The following CDH13 variants were observed in gnomAD, a reference collection of about 807,000 sequenced individuals.
The protein encoded by CDH13 is cadherin-13.
A neutral mutation model predicts 63.8 loss-of-function variants in CDH13; 24 were observed. The ratio of observed to expected loss-of-function variants is 0.38; its 90% CI spans 0.27 to 0.53. The LOEUF (loss-of-function observed/expected upper bound fraction) is 0.53, where lower values mean the gene tolerates loss of function less well. CDH13 is among the 20% of genes least tolerant of loss of function. CDH13 has a pLI of 0.85. For synonymous variants in CDH13, 503 were observed against 355.3 expected (o/e 1.42, Z -4.67); for missense variants, 1,049 against 903.1 (o/e 1.16, Z -2.07).
chr16:83,524,155 A>G (rs910509954), intron 7 of CDH13, among the ~76,000 whole-genome samples: 2 of 152,200 alleles, frequency 1.3e-5, no homozygotes, highest in African/African-American at 4.8e-5. Flanking sequence ...GTTTCCACAG[A>G]TAAGCTTGTG....
chr16:83,620,483 G>A (rs185951896), intron 8 of CDH13, among the ~76,000 whole-genome samples: 43 of 151,630 alleles, frequency 2.8e-4, no homozygotes, highest in Non-Finnish European at 5.2e-4. Flanking sequence ...ACAAGAGTGA[G>A]TCAATGGCTA....
chr16:82,907,576 C>T (rs1172500692), intron 2 of CDH13, among the ~76,000 whole-genome samples: 1 of 152,188 alleles, frequency 6.6e-6, no homozygotes, highest in African/African-American at 2.4e-5. Context: ...TCCATGCTTG[C>T]AATTCTTTTC....
intron 5 of CDH13, among the ~76,000 whole-genome samples, chr16:83,232,718 C>A (rs1012186027): frequency 4.6e-5 from 7 of 152,068 alleles, no homozygotes; most frequent in Non-Finnish European, 5.9e-5. Context: ...ATACAGCCTG[C>A]AGAACCGTGA....
At chr16:83,080,514 T>C (rs72796259) in intron 3 of CDH13, among the ~76,000 whole-genome samples, 7,904 of 152,250 alleles carry the variant, frequency 0.052, 227 homozygotes, top group South Asian at 0.11. Flanking sequence ...ACTGTGACTA[T>C]CTAATGCAAT....
intron 2 of CDH13, among the ~76,000 whole-genome samples, chr16:82,915,836 A>T (rs1402541867): frequency 6.7e-6 from 1 of 149,286 alleles, no homozygotes; most frequent in African/African-American, 2.5e-5. Flanking sequence ...GGCATGTTGC[A>T]TTTTTTGGCA....
At chr16:83,678,536 T>C (rs1436235924) in intron 10 of CDH13, 75 bp downstream of exon 10, 3 of 1,559,034 alleles carry the variant, frequency 1.9e-6, no homozygotes, top group African/African-American at 2.7e-5. Flanking sequence ...CAGAAGCTGG[T>C]TGTCAGGAGC....
chr16:82,865,382 A>G (rs2040092545), intron 2 of CDH13, among the ~76,000 whole-genome samples: 1 of 152,230 alleles, frequency 6.6e-6, no homozygotes, highest in African/African-American at 2.4e-5. Flanking sequence ...TTTTGCGTGG[A>G]CATCCAGGTG....
At chr16:83,475,164 C>T (rs1038017250) in intron 6 of CDH13, among the ~76,000 whole-genome samples, 2 of 152,244 alleles carry the variant, frequency 1.3e-5, no homozygotes, top group South Asian at 2.1e-4. Context: ...GAGCACTAAA[C>T]CCAGCACAGG....
chr16:82,870,848 G>A (rs1225774714), intron 2 of CDH13, among the ~76,000 whole-genome samples: 1 of 152,162 alleles, frequency 6.6e-6, no homozygotes, highest in Admixed American at 6.5e-5. Context: ...ACCTATAATG[G>A]TCCCTGAAAT....
At chr16:82,637,240 G>T (rs1194084476) in intron 1 of CDH13, among the ~76,000 whole-genome samples, 2 of 152,154 alleles carry the variant, frequency 1.3e-5, no homozygotes, top group Non-Finnish European at 1.5e-5. Context: ...CTGCAGTTCT[G>T]CATGTTTTTG....
chr16:83,469,907 G>A (rs1325496208), intron 6 of CDH13, among the ~76,000 whole-genome samples: 2 of 152,210 alleles, frequency 1.3e-5, no homozygotes, highest in African/African-American at 4.8e-5. Flanking sequence ...GGCTGCTGCA[G>A]TTTCTCCAAA....
rs79893912 is a variant in CDH13, at chr16:83,452,532, G to A, written c.782-33945G>A. Among the ~76,000 whole-genome samples the A allele has an allele frequency of 9.1e-3, 1,387 of 152,218 alleles. 44 individuals are homozygous for A. The highest frequency in any genetic ancestry group is 0.076 in the Admixed American group (1,166 of 15,288). ...GCTCCTCACTTTCTCGGTTCGTTTT[G>A]TGTTTGGTTGATGTTTTCGTTGTTG... On this transcript the variant is annotated intron_variant, in intron 6 of 13. Coordinates refer to ENST00000567109, the MANE Select transcript of CDH13 (RefSeq NM_001257.5).
At chr16:83,049,341 T>TTTTTTTTTTTTTTG (rs2030018077) in intron 3 of CDH13, among the ~76,000 whole-genome samples, 1 of 146,836 alleles carries the variant, frequency 6.8e-6, no homozygotes. Context: ...TTTTTTTTTT[T>TTTTTTTTTTTTTTG]TTTTTGAGAC....
At chr16:82,802,344 C>G (rs2036905743) in intron 1 of CDH13, among the ~76,000 whole-genome samples, 1 of 152,176 alleles carries the variant, frequency 6.6e-6, no homozygotes, top group Non-Finnish European at 1.5e-5. Context: ...GGAGTCGACC[C>G]TGATGAAGCT....
chr16:83,416,023 T>C (rs1477732211), intron 6 of CDH13, among the ~76,000 whole-genome samples: 1 of 152,166 alleles, frequency 6.6e-6, no homozygotes, highest in Non-Finnish European at 1.5e-5. Flanking sequence ...TTAAAAACTA[T>C]TAGAATTAAT....
At chr16:82,659,951 G>GT (rs1339882934) in intron 1 of CDH13, among the ~76,000 whole-genome samples, 1 of 152,162 alleles carries the variant, frequency 6.6e-6, no homozygotes, top group Non-Finnish European at 1.5e-5. Flanking sequence ...AGGGGGGAAA[G>GT]TGACTCCCCA....
chr16:82,797,774 CGTGTGTGTGT>C (rs3046484), intron 1 of CDH13, among the ~76,000 whole-genome samples: 23 of 145,552 alleles, frequency 1.6e-4, no homozygotes, highest in Non-Finnish European at 3.0e-4. Flanking sequence ...ACTTTAGGGC[CGTGTGTGTGT>C]GTGTGTGTGT....
At chr16:82,869,583 G>A (rs991327998) in intron 2 of CDH13, among the ~76,000 whole-genome samples, 1 of 152,124 alleles carries the variant, frequency 6.6e-6, no homozygotes, top group Non-Finnish European at 1.5e-5. Flanking sequence ...ACTTACAGTT[G>A]TACTACAAAG....
chr16:83,112,129 G>C (rs960319165), intron 3 of CDH13, among the ~76,000 whole-genome samples: 1 of 152,222 alleles, frequency 6.6e-6, no homozygotes, highest in Non-Finnish European at 1.5e-5. Flanking sequence ...TCTCCCGCTG[G>C]GTTTCCTTCT....
Sources: allele counts gnomAD v4.1 joint callset (sites outside exome capture counted in the v4.1 genomes callset), GRCh38; gene constraint gnomAD v4.1.1; transcripts MANE v1.5; gene names NCBI Gene and HGNC (gene_info 2026-07-23, HGNC 2026-07-21).